VPS26C: variants seen among roughly 807,000 people sequenced by gnomAD.
VPS26C encodes the protein VPS26 endosomal protein sorting factor C, also known as vacuolar protein sorting-associated protein 26C.
In VPS26C, 19 loss-of-function variants were observed where a neutral mutation model predicts 30.6. The observed-to-expected ratio is 0.62, with a 90% CI of 0.43 to 0.91. VPS26C has a LOEUF of 0.91. Ranked by LOEUF, VPS26C falls within the 40% of genes least tolerant of loss-of-function variation. VPS26C has a pLI of 0.00. For synonymous variants in VPS26C, 132 were observed against 151.5 expected, an observed-to-expected ratio of 0.87 and a Z score of 0.95; for missense variants, 318 against 385.1, an observed-to-expected ratio of 0.83 and a Z score of 1.46.
chr21:37,239,786 C>T (rs113461203), intron 2 of VPS26C, among the ~76,000 whole-genome samples: 2,011 of 152,150 alleles, frequency 0.013, 31 homozygotes, highest in African/African-American at 0.034. Flanking sequence ...TTAGTAGAAA[C>T]GGGGTTTTAC....
chr21:37,239,664 C>T (rs867223862), intron 2 of VPS26C, among the ~76,000 whole-genome samples: 2 of 149,946 alleles, frequency 1.3e-5, no homozygotes, highest in Non-Finnish European at 2.9e-5. Context: ...AGTGCAATGG[C>T]GCCATCTCAG....
At chr21:37,267,364 G>C (rs2086379378), upstream of VPS26C, 2 of 1,411,052 alleles carry the variant, frequency 1.4e-6, no homozygotes. Context: ...GCGCCTCCCC[G>C]CTTCGTTCTG....
At chr21:37,267,534 C>T (rs2086382241), upstream of VPS26C, 2 of 566,932 alleles carry the variant, frequency 3.5e-6, no homozygotes, top group African/African-American at 1.9e-5. Flanking sequence ...GTTCACCCCG[C>T]CCCCTCTGGG....
At chr21:37,238,054 C>A (rs1381423359) in intron 3 of VPS26C, among the ~76,000 whole-genome samples, 9 of 152,200 alleles carry the variant, frequency 5.9e-5, no homozygotes, top group Admixed American at 5.9e-4. Context: ...CAGTAAAGAA[C>A]ACCAGCCTAT....
Position 37,227,735 on chromosome 21 carries a change from T to C in VPS26C, c.730A>G (p.Arg244Gly). ...NIQIADGDVC[R>G]GLSVPIYMVF... ...ATGTAGATGGGGACAGAGAGGCCCC[T>C]GCACACATCCCCGTCGGCGATCTGA... is the stretch of plus-strand genomic sequence containing the variant. Residue 244 changes from arginine to glycine, a missense_variant, in exon 7 of 8, where the codon AGG (arginine) becomes GGG (glycine). Coordinates refer to ENST00000309117, the MANE Select transcript of VPS26C (RefSeq NM_006052.2). The C allele has an allele frequency of 6.2e-7, 1 of 1,614,200 alleles. No homozygotes were observed. The highest frequency in any genetic ancestry group is 8.5e-7 in the Non-Finnish European group (1 of 1,180,032).
chr21:37,254,472 G>C (rs1433969047), intron 1 of VPS26C, among the ~76,000 whole-genome samples: 1 of 151,914 alleles, frequency 6.6e-6, no homozygotes, highest in East Asian at 1.9e-4. Context: ...GCTCCAGCCT[G>C]CGTAACAGTG....
Position 37,233,414 on chromosome 21 carries a change from G to C in VPS26C, c.380C>G (p.Ser127Cys), listed in dbSNP as rs765643152. The change falls in exon 4 of 8, where the codon TCT becomes TGT. Residue 127 changes from serine (S) to cysteine (C), a missense_variant. Physicochemically the swap from Ser to Cys is moderately radical, Grantham distance 112 (BLOSUM62 -1). Coordinates refer to ENST00000309117, the MANE Select transcript of VPS26C (RefSeq NM_006052.2). The surrounding 1 kb of genome is among the most constrained non-coding windows in gnomAD (Gnocchi z 5.2). ...CTTTGTCAAGTCCTTGGCCAACAGA[G>C]ACCGCTTCATGTCACAGCGCAGTGT... is the stretch of plus-strand genomic sequence containing the variant. ...QYTLRCDMKRSLLAKDLTKTC... is the reference protein window; with the variant it reads ...QYTLRCDMKRCLLAKDLTKTC... The C allele has an allele frequency of 3.7e-5, 59 of 1,614,068 alleles. No homozygotes were observed. The highest frequency in any genetic ancestry group is 4.9e-5 in the Non-Finnish European group (58 of 1,180,048).
At chr21:37,264,616 T>C (rs944073696) in intron 1 of VPS26C, among the ~76,000 whole-genome samples, 8 of 152,214 alleles carry the variant, frequency 5.3e-5, no homozygotes, top group African/African-American at 1.7e-4. Flanking sequence ...TGCCCTCCCA[T>C]TGTTATTTTG....
At chr21:37,258,204 C>G (rs992244962) in intron 1 of VPS26C, among the ~76,000 whole-genome samples, 2 of 152,224 alleles carry the variant, frequency 1.3e-5, no homozygotes, top group African/African-American at 4.8e-5. Context: ...GCCCCGGCGT[C>G]CGGCAGCAGC....
chr21:37,231,868 C>G (rs959746237), intron 5 of VPS26C: 1 of 155,598 alleles, frequency 6.4e-6, no homozygotes, highest in East Asian at 1.9e-4. Context: ...ACTGCCCAGG[C>G]GTCTGTGTCC....
chr21:37,258,244 A>C (rs539113766), intron 1 of VPS26C, among the ~76,000 whole-genome samples: 3 of 152,342 alleles, frequency 2.0e-5, no homozygotes, highest in South Asian at 2.1e-4. Flanking sequence ...CCTTGCAAAC[A>C]ACCTTTCCTG....
intron 1 of VPS26C, among the ~76,000 whole-genome samples, chr21:37,253,136 A>G (rs182309282): frequency 6.6e-6 from 1 of 152,382 alleles, no homozygotes; most frequent in East Asian, 1.9e-4. Context: ...AAAATCTACA[A>G]AAGTTAGTTC....
intron 3 of VPS26C, among the ~76,000 whole-genome samples, chr21:37,237,054 G>A (rs2086032964): frequency 6.6e-6 from 1 of 152,160 alleles, no homozygotes; most frequent in African/African-American, 2.4e-5. Context: ...GTGCAGGGAT[G>A]ACAAGCGTGA....
intron 1 of VPS26C, chr21:37,261,502 C>G (rs541793432): frequency 1.3e-5 from 2 of 152,128 alleles, no homozygotes; most frequent in South Asian, 4.2e-4. Flanking sequence ...ATCACAATCT[C>G]ACTTTCTTGT....
chr21:37,244,974 G>A (rs1232829550), intron 1 of VPS26C, among the ~76,000 whole-genome samples: 2 of 152,240 alleles, frequency 1.3e-5, no homozygotes, highest in African/African-American at 2.4e-5. Flanking sequence ...TCTGCAAGGT[G>A]CAAACGCCCT....
At position 37,233,165 on chromosome 21, in the gene VPS26C, G is replaced by A; in HGVS notation, c.432+197C>T. On this transcript the variant is annotated intron_variant, in intron 4 of 7. Transcript: ENST00000309117. The surrounding 1 kb of genome is among the most constrained non-coding windows in gnomAD (Gnocchi z 5.2). ...TCCCTCTGGCCCGCGGCCTCAGCTG[G>A]GGGACTCTGGGCCCAGGACAATGAT... is the stretch of plus-strand genomic sequence containing the variant. 1.8e-6 allele frequency: 1 copy of A among 550,588 alleles called. No individual in the cohort carries two copies. Among genetic ancestry groups the A allele is most frequent in the East Asian group, 2.9e-5 (1 of 34,556 alleles). 34.1% of individuals were successfully genotyped at this position (550,588 alleles called of 1,614,324 possible).
chr21:37,254,652 A>G (rs530726468), intron 1 of VPS26C, among the ~76,000 whole-genome samples: 47 of 152,168 alleles, frequency 3.1e-4, no homozygotes, highest in Middle Eastern at 3.4e-3. Context: ...CTCTACTAAA[A>G]ATACAAAAAA....
intron 1 of VPS26C, among the ~76,000 whole-genome samples, chr21:37,247,352 A>G (rs1038753239): frequency 2.6e-5 from 4 of 152,236 alleles, no homozygotes; most frequent in Admixed American, 2.0e-4. Flanking sequence ...AAGAAAGGGA[A>G]AAGGAAAGAG....
At position 37,228,284 on chromosome 21, in the gene VPS26C, C is replaced by T; in HGVS notation, c.597G>A (p.Val199=). The T allele has an allele frequency of 6.2e-7, 1 of 1,614,208 alleles. No individual in the cohort carries two copies. The highest frequency in any genetic ancestry group is 8.5e-7 in the Non-Finnish European group (1 of 1,180,052). Residue 199 remains valine, a synonymous_variant, in exon 6 of 8, where the codon GTG becomes GTA. Transcript: ENST00000309117. ...ITQPLTGELV[V]ESSEAAIRSV... is the part of the protein sequence containing the mutation. ...TTCTGATGGCGGCTTCCGAGCTCTC[C>T]ACCACCAGCTCTCCCGTTAGTGGCT... is the stretch of plus-strand genomic sequence containing the variant.
Sources: allele counts gnomAD v4.1 joint callset (sites outside exome capture counted in the v4.1 genomes callset), GRCh38; gene constraint gnomAD v4.1.1; non-coding constraint Gnocchi (gnomAD v3.1); transcripts MANE v1.5; gene names NCBI Gene and HGNC (gene_info 2026-07-23, HGNC 2026-07-21).